The following TTC6 variants were observed in gnomAD, a reference collection of about 807,000 sequenced individuals.
TTC6 encodes the protein tetratricopeptide repeat protein 6.
Under a neutral mutation model 210.4 loss-of-function variants are expected in TTC6, and 172 were observed. The observed-to-expected ratio is 0.82, with a 90% CI of 0.72 to 0.93. The LOEUF (loss-of-function observed/expected upper bound fraction) is 0.93, where lower values mean the gene tolerates loss of function less well. Among genes scored for constraint, TTC6 ranks in the 40% least tolerant of loss-of-function variants. The pLI, the probability that TTC6 is intolerant of heterozygous loss-of-function variation, is 0.00. For missense variants in TTC6, 2,414 were observed against 2,318.1 expected (o/e 1.04, Z -0.85); for synonymous variants, 804 against 819.6 (o/e 0.98, Z 0.32).
At chr14:37,690,642 T>C (rs1182216850) in intron 3 of TTC6, among the ~76,000 whole-genome samples, 1 of 152,110 alleles carries the variant, frequency 6.6e-6, no homozygotes, top group East Asian at 1.9e-4. Context: ...AGAAGGTCAC[T>C]AAACAATCAT....
At chr14:37,698,499 C>T (rs929526374) in intron 4 of TTC6, among the ~76,000 whole-genome samples, 1 of 151,824 alleles carries the variant, frequency 6.6e-6, no homozygotes, top group Non-Finnish European at 1.5e-5. Flanking sequence ...CTTTTTTTTC[C>T]CCTCTATTTT....
At chr14:37,602,486 TG>T (rs2095617537) in intron 1 of TTC6, among the ~76,000 whole-genome samples, 1 of 152,266 alleles carries the variant, frequency 6.6e-6, no homozygotes, top group South Asian at 2.1e-4. Flanking sequence ...AAGCAGGAGT[TG>T]GGGGAGACGT....
At chr14:37,599,877 G>C (rs1397504640) in intron 1 of TTC6, among the ~76,000 whole-genome samples, 1 of 152,128 alleles carries the variant, frequency 6.6e-6, no homozygotes, top group African/African-American at 2.4e-5. Flanking sequence ...GCGGCCGCGC[G>C]CGTCTCCCGC....
chr14:37,634,944 C>A (rs2095677243), intron 1 of TTC6, among the ~76,000 whole-genome samples: 1 of 151,832 alleles, frequency 6.6e-6, no homozygotes, highest in Non-Finnish European at 1.5e-5. Context: ...TTTTTTCCAG[C>A]AGTTCTACCC....
chr14:37,780,236 T>G (rs557554227), intron 14 of TTC6, among the ~76,000 whole-genome samples: 102 of 152,328 alleles, frequency 6.7e-4, no homozygotes, highest in African/African-American at 2.5e-3. Context: ...AAACATTTTT[T>G]TCCTCAACTT....
rs1365730372 is a variant in TTC6 at position 37,622,325 on chromosome 14, C to T, written c.261C>T (p.Ala87=). 6 of 1,533,364 alleles carry T rather than the reference C, an allele frequency of 3.9e-6. No homozygotes were observed. In the Admixed American group the frequency reaches 5.9e-5, roughly 15 times the overall value. The allele number at this position is 1,533,364 out of a possible 1,614,324, so 95.0% of individuals were successfully genotyped here. ...TTAAAGGCCCTGCGATGTCCGCGGC[C>T]GCCCTCCTGCAGGAGGTGCTCGGAG... is the stretch of plus-strand genomic sequence containing the variant. Residue 87 remains alanine, a synonymous_variant, in exon 1 of 31, where the codon GCC becomes GCT. Coordinates refer to ENST00000553443, the Ensembl canonical transcript of TTC6.
At chr14:37,715,666 G>A (rs926593460) in intron 6 of TTC6, among the ~76,000 whole-genome samples, 1 of 152,196 alleles carries the variant, frequency 6.6e-6, no homozygotes, top group African/African-American at 2.4e-5. Context: ...CATGAGAAGT[G>A]ATGGAGGCCA....
At chr14:37,823,817 G>A (rs2096163817) in exon 27 of TTC6, 1 of 1,613,888 alleles carries the variant, frequency 6.2e-7, no homozygotes, top group African/African-American at 1.3e-5. Flanking sequence ...TTTTCTGGAT[G>A]CTTATGTTGG....
chr14:37,770,139 C>A (rs1434988937), intron 14 of TTC6, among the ~76,000 whole-genome samples: 1 of 151,882 alleles, frequency 6.6e-6, no homozygotes, highest in Non-Finnish European at 1.5e-5. Flanking sequence ...ATCCTGAGTT[C>A]TAGTTTGATT....
intron 14 of TTC6, among the ~76,000 whole-genome samples, chr14:37,775,157 T>G (rs2096033276): frequency 6.6e-6 from 1 of 152,204 alleles, no homozygotes; most frequent in Non-Finnish European, 1.5e-5. Context: ...TCTATCTATC[T>G]TATTAATTCT....
exon 14 of TTC6, chr14:37,753,185 A>G: frequency 6.5e-7 from 1 of 1,535,530 alleles, no homozygotes. Context: ...TTGCAGCCAT[A>G]GAGGATTTTA....
At chr14:37,605,595 A>G (rs1251445495) in intron 1 of TTC6, among the ~76,000 whole-genome samples, 1 of 152,306 alleles carries the variant, frequency 6.6e-6, no homozygotes, top group African/African-American at 2.4e-5. Flanking sequence ...TAAACCAGGC[A>G]TTGGTTCTCT....
chr14:37,784,071 T>A (rs1465900184), intron 14 of TTC6, among the ~76,000 whole-genome samples: 1 of 152,228 alleles, frequency 6.6e-6, no homozygotes, highest in Non-Finnish European at 1.5e-5. Flanking sequence ...AATTTTGGAA[T>A]AAGTCCGATG....
chr14:37,721,847 CATATATAT>C (rs35265224), intron 6 of TTC6, among the ~76,000 whole-genome samples: 45 of 117,256 alleles, frequency 3.8e-4, no homozygotes, highest in African/African-American at 8.4e-4. Flanking sequence ...TGAGTTTCAC[CATATATAT>C]ATATATATAT....
intron 29 of TTC6, among the ~76,000 whole-genome samples, chr14:37,830,164 G>T (rs946525766): frequency 3.9e-5 from 6 of 152,042 alleles, no homozygotes; most frequent in Non-Finnish European, 1.5e-5. Context: ...TGAGTGTCTT[G>T]TAAGTGCTGC....
intron 29 of TTC6, among the ~76,000 whole-genome samples, chr14:37,834,818 A>G (rs947508705): frequency 3.3e-5 from 5 of 152,154 alleles, no homozygotes; most frequent in Non-Finnish European, 5.9e-5. Flanking sequence ...TTTATTAAGT[A>G]GCTTCCATAG....
chr14:37,795,928 G>A (rs11844234), intron 18 of TTC6, among the ~76,000 whole-genome samples: 4,660 of 152,052 alleles, frequency 0.031, 230 homozygotes, highest in African/African-American at 0.1. Flanking sequence ...TACTGATAAG[G>A]GCTTGCTTTG....
chr14:37,734,117 A>C (rs1289884229), intron 7 of TTC6, among the ~76,000 whole-genome samples: 3 of 152,130 alleles, frequency 2.0e-5, no homozygotes, highest in Non-Finnish European at 4.4e-5. Flanking sequence ...CTTCCTCCAA[A>C]GGACATTTTT....
chr14:37,820,974 C>A (rs1272866979), intron 26 of TTC6, among the ~76,000 whole-genome samples: 1 of 150,334 alleles, frequency 6.7e-6, no homozygotes, highest in South Asian at 2.1e-4. Context: ...TCCTCCTCTT[C>A]TTCCTCTTCA....
Sources: allele counts gnomAD v4.1 joint callset (sites outside exome capture counted in the v4.1 genomes callset), GRCh38; gene constraint gnomAD v4.1.1; transcripts MANE v1.5; gene names NCBI Gene and HGNC (gene_info 2026-07-23, HGNC 2026-07-21).